FRMD4A: variants seen among roughly 807,000 people sequenced by gnomAD.
FRMD4A encodes the protein FERM domain containing 4A, also known as FERM domain-containing protein 4A.
A neutral mutation model predicts 129.1 loss-of-function variants in FRMD4A; 29 were observed. The observed-to-expected ratio is 0.22, with a 90% CI of 0.17 to 0.31. The LOEUF (loss-of-function observed/expected upper bound fraction) is 0.31, where lower values mean the gene tolerates loss of function less well. Ranked by LOEUF, FRMD4A falls within the 10% of genes least tolerant of loss-of-function variation. The pLI is 1.00. For synonymous variants in FRMD4A, 634 were observed against 571.6 expected (o/e 1.11, Z -1.56); for missense variants, 1,272 against 1,375.8 (o/e 0.92, Z 1.19).
At chr10:13,984,138 T>G (rs564616992) in intron 2 of FRMD4A, among the ~76,000 whole-genome samples, 2 of 152,246 alleles carry the variant, frequency 1.3e-5, no homozygotes, top group South Asian at 2.1e-4. Flanking sequence ...GGGTGCTTTC[T>G]GCAGGGGGCA....
At chr10:14,183,685 T>A (rs570633991) in intron 2 of FRMD4A, among the ~76,000 whole-genome samples, 2 of 152,348 alleles carry the variant, frequency 1.3e-5, no homozygotes, top group South Asian at 4.1e-4. Context: ...GCACTCTATT[T>A]TGCAAATTGA....
intron 2 of FRMD4A, among the ~76,000 whole-genome samples, chr10:14,215,064 A>G (rs901031566): frequency 6.6e-6 from 1 of 152,242 alleles, no homozygotes; most frequent in Non-Finnish European, 1.5e-5. Flanking sequence ...TACAGTTTTA[A>G]AACACCAACA....
At chr10:14,322,352 G>A (rs1257593520) in intron 2 of FRMD4A, among the ~76,000 whole-genome samples, 2 of 152,132 alleles carry the variant, frequency 1.3e-5, no homozygotes, top group African/African-American at 4.8e-5. Context: ...TAAGGTTGGG[G>A]AGAAGACCAT....
chr10:14,175,807 G>C (rs1264400151), intron 2 of FRMD4A, among the ~76,000 whole-genome samples: 1 of 152,128 alleles, frequency 6.6e-6, no homozygotes, highest in African/African-American at 2.4e-5. Flanking sequence ...TTACAGATGT[G>C]AGCCGCTGCT....
At chr10:13,647,076 T>TGGA (rs1161263275) in intron 24 of FRMD4A, 41 bp from the exon 25 acceptor site, 2 of 415,504 alleles carry the variant, frequency 4.8e-6, no homozygotes, top group Non-Finnish European at 6.5e-6. Flanking sequence ...AGTTAGTTAG[T>TGGA]GGAGGAGGAT....
At chr10:13,716,633 C>T (rs1252986217) in intron 12 of FRMD4A, among the ~76,000 whole-genome samples, 1 of 152,134 alleles carries the variant, frequency 6.6e-6, no homozygotes, top group African/African-American at 2.4e-5. Context: ...TGACAGATAC[C>T]CAGAGCACCG....
chr10:13,761,682 A>G lies in FRMD4A; in HGVS notation c.442-13T>C. 6.3e-7 allele frequency: 1 copy of G among 1,590,130 alleles called. No homozygotes were observed. The highest frequency in any genetic ancestry group is 8.6e-7 in the Non-Finnish European group (1 of 1,161,156). ...CTCCCTTTGCCTCCTGTAGAAGAAA[A>G]AATTCAACATCAGCGAAATACACTA... On this transcript the variant is annotated splice_polypyrimidine_tract_variant and intron_variant, in intron 7 of 24. Coordinates refer to ENST00000357447, the MANE Select transcript of FRMD4A (RefSeq NM_018027.5).
intron 2 of FRMD4A, among the ~76,000 whole-genome samples, chr10:14,132,561 G>A (rs1259702499): frequency 6.6e-6 from 1 of 152,194 alleles, no homozygotes; most frequent in Non-Finnish European, 1.5e-5. Context: ...AAAGTGATGT[G>A]ACTCTCATGA....
intron 2 of FRMD4A, among the ~76,000 whole-genome samples, chr10:14,201,649 C>T (rs1161496881): frequency 3.3e-5 from 5 of 152,180 alleles, no homozygotes; most frequent in Non-Finnish European, 5.9e-5. Context: ...AAAGCTGTTA[C>T]TCTTGGCTTC....
chr10:14,005,239 G>A (rs1288515941), intron 2 of FRMD4A, among the ~76,000 whole-genome samples: 1 of 152,094 alleles, frequency 6.6e-6, no homozygotes, highest in Non-Finnish European at 1.5e-5. Flanking sequence ...GGCCAGGATG[G>A]TCTCCATCTC....
intron 2 of FRMD4A, among the ~76,000 whole-genome samples, chr10:14,237,319 C>T (rs1000901696): frequency 1.3e-5 from 2 of 149,392 alleles, no homozygotes; most frequent in Non-Finnish European, 3.0e-5. Context: ...ACATATGGGG[C>T]ATCAATTTCT....
At chr10:14,227,163 T>C (rs898784341) in intron 2 of FRMD4A, among the ~76,000 whole-genome samples, 3 of 151,512 alleles carry the variant, frequency 2.0e-5, no homozygotes, top group Admixed American at 2.0e-4. Flanking sequence ...TCCCTCAGCC[T>C]GGAGCACTCT....
At chr10:13,899,353 G>A (rs1258505289) in intron 2 of FRMD4A, among the ~76,000 whole-genome samples, 1 of 151,746 alleles carries the variant, frequency 6.6e-6, no homozygotes, top group Non-Finnish European at 1.5e-5. Flanking sequence ...ATTCCTATGA[G>A]GTGGAAACTG....
chr10:14,178,124 A>C (rs933997100), intron 2 of FRMD4A, among the ~76,000 whole-genome samples: 1 of 152,218 alleles, frequency 6.6e-6, no homozygotes, highest in African/African-American at 2.4e-5. Context: ...TAATTCACCC[A>C]CACAGCATTC....
At position 13,654,433 on chromosome 10, in the gene FRMD4A, G is replaced by A; in HGVS notation, c.3033C>T (p.Ile1011=). 2 of 1,609,612 alleles carry A rather than the reference G, an allele frequency of 1.2e-6. No homozygotes were observed. The highest frequency in any genetic ancestry group is 1.7e-6 in the Non-Finnish European group (2 of 1,175,844). Residue 1011 remains isoleucine (I), a synonymous_variant, in exon 23 of 25, where the codon ATC becomes ATT. Coordinates refer to ENST00000357447, the MANE Select transcript of FRMD4A (RefSeq NM_018027.5). ...GATPPSSPHH[I]LTWQTGEATE... ...GAACTCACCCAGTCTGCCAGGTTAG[G>A]ATGTGGTGGGGGCTGCTTGGGGGGG... is the stretch of plus-strand genomic sequence containing the variant.
chr10:13,830,370 C>T (rs759438393), intron 3 of FRMD4A, among the ~76,000 whole-genome samples: 3 of 152,182 alleles, frequency 2.0e-5, no homozygotes, highest in Non-Finnish European at 4.4e-5. Flanking sequence ...ATTGGGAAGG[C>T]GACAGCGTTA....
At chr10:13,877,724 G>A (rs1287414249) in intron 2 of FRMD4A, among the ~76,000 whole-genome samples, 1 of 152,224 alleles carries the variant, frequency 6.6e-6, no homozygotes, top group East Asian at 1.9e-4. Flanking sequence ...GGGACTTCTT[G>A]GTCTTGCATG....
intron 2 of FRMD4A, among the ~76,000 whole-genome samples, chr10:14,251,761 C>T (rs185958393): frequency 3.9e-5 from 6 of 152,312 alleles, no homozygotes; most frequent in Admixed American, 2.0e-4. Context: ...AGCTCCAACA[C>T]TGATCAGGAT....
intron 2 of FRMD4A, among the ~76,000 whole-genome samples, chr10:14,327,134 C>T (rs1232883483): frequency 1.3e-5 from 2 of 152,218 alleles, no homozygotes; most frequent in African/African-American, 4.8e-5. Context: ...GCCTCTGAGA[C>T]ACTGTTCAAA....
Sources: gnomAD v4.1 joint callset for allele counts (sites outside exome capture counted in the v4.1 genomes callset) on GRCh38, gnomAD v4.1.1 for gene constraint, MANE v1.5 for transcripts, NCBI Gene and HGNC (gene_info 2026-07-23, HGNC 2026-07-21) for gene names.